Variants in LMNB2 observed in about 807,000 individuals in gnomAD.
The protein encoded by LMNB2 is lamin-B2.
A neutral mutation model predicts 69.3 loss-of-function variants in LMNB2; 17 were observed. That is an observed-to-expected ratio of 0.25 (90% CI 0.17 to 0.37). The LOEUF (loss-of-function observed/expected upper bound fraction) is 0.37, where lower values mean the gene tolerates loss of function less well. Ranked by LOEUF, LMNB2 falls within the 10% of genes least tolerant of loss-of-function variation. The pLI, the probability that LMNB2 is intolerant of heterozygous loss-of-function variation, is 1.00. For synonymous variants in LMNB2, 397 were observed against 389.3 expected (o/e 1.02, Z -0.23); for missense variants, 789 against 883.6 (o/e 0.89, Z 1.36).
At chr19:2,452,600 C>G (rs985896699) in intron 1 of LMNB2, among the ~76,000 whole-genome samples, 4 of 151,792 alleles carry the variant, frequency 2.6e-5, no homozygotes, top group Non-Finnish European at 5.9e-5. Context: ...GTGGTACACG[C>G]CTGTAATCCC....
intron 1 of LMNB2, among the ~76,000 whole-genome samples, chr19:2,454,601 A>G (rs150638160): frequency 1.3e-5 from 2 of 152,222 alleles, no homozygotes; most frequent in African/African-American, 4.8e-5. Flanking sequence ...CCCCTCAACA[A>G]GCAGCTCTTC....
Position 2,434,478 on chromosome 19 carries a change from T to C in LMNB2, c.1019A>G (p.Glu340Gly), listed in dbSNP as rs1338959809. 1 of 1,613,026 alleles carries C rather than the reference T, an allele frequency of 6.2e-7. No individual in the cohort carries two copies. The highest frequency in any genetic ancestry group is 8.5e-7 in the Non-Finnish European group (1 of 1,179,950). ...AAEDRIRELE[E>G]AMAGERDKFR... Reference sequence around the variant, plus strand: ...CTTGTCCCGCTCCCCGGCCATGGCCTCCTCCAGCTCCCGAATGCGATCTTC... The same window carrying C: ...CTTGTCCCGCTCCCCGGCCATGGCCCCCTCCAGCTCCCGAATGCGATCTTC... Residue 340 changes from glutamate (E) to glycine (G), a missense_variant, in exon 7 of 12, where the codon GAG becomes GGG. By Grantham distance (98) the Glu-to-Gly change is moderately conservative. Transcript: ENST00000325327.
Position 2,456,778 on chromosome 19 carries a change from C to A in LMNB2, c.156G>T (p.Glu52Asp). Residue 52 changes from glutamate to aspartate, a missense_variant, in exon 1 of 12, where the codon GAG (glutamate) becomes GAT (aspartate). Physicochemically the swap from Glu to Asp is conservative, Grantham distance 45 (BLOSUM62 2). Coordinates refer to ENST00000325327, the MANE Select transcript of LMNB2 (RefSeq NM_032737.4). Reference sequence around the variant, plus strand: ...TGTAGTGCGCCAGGCGGTCGTTGAGCTCGCGCAGCTCCTCCTTCTCCTGCA... The same window carrying A: ...TGTAGTGCGCCAGGCGGTCGTTGAGATCGCGCAGCTCCTCCTTCTCCTGCA... Reference protein sequence around the residue: ...SRLQEKEELRELNDRLAHYID... With the variant: ...SRLQEKEELRDLNDRLAHYID... 6.5e-7 allele frequency: 1 copy of A among 1,539,260 alleles called. No homozygotes were observed. The highest frequency in any genetic ancestry group is 8.8e-7 in the Non-Finnish European group (1 of 1,142,392).
rs776051907 is a variant in LMNB2, at chr19:2,433,895, C to T, written c.1413G>A (p.Ser471=). The change falls in exon 8 of 12, where the codon TCG becomes TCA. Residue 471 remains serine (S), a synonymous_variant. Transcript: ENST00000325327. ...CGATCTCCTCGATGCTGACGCTACC[C>T]GAGGCCGAGGCCTGCTGGGCCAGGT... ...GFHLAQQASA[S]GSVSIEEIDL... is the part of the protein sequence containing the mutation. 8.1e-6 allele frequency: 13 copies of T among 1,612,340 alleles called. No homozygotes were observed. Among genetic ancestry groups the T allele is most frequent in the Admixed American group, 3.3e-5 (2 of 59,982 alleles).
At position 2,456,894 on chromosome 19, in the gene LMNB2, T is replaced by G; in HGVS notation, c.40A>C (p.Arg14=). 9.6e-7 allele frequency: 1 copy of G among 1,039,230 alleles called. No individual in the cohort carries two copies. The highest frequency in any genetic ancestry group is 4.4e-5 in the South Asian group (1 of 22,634). The allele number at this position is 1,039,230 out of a possible 1,614,324, so 64.4% of individuals were successfully genotyped here. A position where few individuals can be genotyped will look rare whatever the true frequency, so the allele number is the denominator to read the frequency against. The change falls in exon 1 of 12, where the codon AGG becomes CGG. Residue 14 remains arginine, a synonymous_variant. Coordinates refer to ENST00000325327, the MANE Select transcript of LMNB2 (RefSeq NM_032737.4). Reference sequence around the variant, plus strand: ...GCCATGGTGGCGGCGGCTCGCGGCCTGCGCTGCTCCCGACGGCGGCCCGGG... The same window carrying G: ...GCCATGGTGGCGGCGGCTCGCGGCCGGCGCTGCTCCCGACGGCGGCCCGGG... ...PSPGRRREQR[R]PRAAATMATP...
chr19:2,434,943 CGCGGGGCGGG>C, intron 5 of LMNB2, 30 bp from the exon 6 acceptor site: 2 of 1,585,998 alleles, frequency 1.3e-6, no homozygotes, highest in Non-Finnish European at 1.7e-6. Context: ...TGAGTGCGGG[CGCGGGGCGGG>C]GCGGGGTTCC....
intron 2 of LMNB2, among the ~76,000 whole-genome samples, chr19:2,439,441 C>G (rs1251187630): frequency 1.3e-5 from 2 of 152,114 alleles, no homozygotes; most frequent in African/African-American, 2.4e-5. Flanking sequence ...TGGGGTGGTC[C>G]TAGGCACTGC....
chr19:2,437,545 A>G (rs1971842519), intron 4 of LMNB2, among the ~76,000 whole-genome samples: 1 of 152,256 alleles, frequency 6.6e-6, no homozygotes, highest in Admixed American at 6.5e-5. Flanking sequence ...TCACGCCTGG[A>G]ATCCCAGCAG....
At chr19:2,434,650 G>T in intron 6 of LMNB2, 135 bp from the exon 7 acceptor site, 1 of 1,495,744 alleles carries the variant, frequency 6.7e-7, no homozygotes. Context: ...CGCACGGGAG[G>T]GGAGGGAAGG....
intron 1 of LMNB2, among the ~76,000 whole-genome samples, chr19:2,450,258 C>A (rs1233017333): frequency 6.6e-6 from 1 of 152,110 alleles, no homozygotes; most frequent in African/African-American, 2.4e-5. Flanking sequence ...ACCAGAACCT[C>A]TAACCAGGAA....
rs556187833 is a variant in LMNB2, at chr19:2,431,954, C to T, written c.1591-52G>A. 752 of 1,567,366 alleles carry T rather than the reference C, an allele frequency of 4.8e-4. 4 individuals carry two copies. The Middle Eastern group carries it at 9.6e-3, about 20-fold the overall frequency. The stretch of plus-strand genomic sequence containing the variant: ...TCAGGGTCACCTCTGGTTCCAGGGA[C>T]GTGGGCCAGCCAGTGGCCCCTACCA... On this transcript the variant is annotated intron_variant, in intron 9 of 11. Transcript: ENST00000325327.
At chr19:2,438,141 G>A (rs1377830917) in intron 4 of LMNB2, 22 bp downstream of exon 4, 3 of 1,613,188 alleles carry the variant, frequency 1.9e-6, no homozygotes, top group Non-Finnish European at 2.5e-6. Flanking sequence ...GTGCCAGGCT[G>A]GAGGCCAGGC....
At chr19:2,455,559 C>T (rs557072718) in intron 1 of LMNB2, among the ~76,000 whole-genome samples, 1 of 152,240 alleles carries the variant, frequency 6.6e-6, no homozygotes, top group East Asian at 1.9e-4. Context: ...CAAAATGCAC[C>T]TCTCACGGAA....
intron 9 of LMNB2, 128 bp from the exon 10 acceptor site, chr19:2,432,030 GCTTAT>G: frequency 8.1e-7 from 1 of 1,228,740 alleles, no homozygotes; most frequent in Admixed American, 2.2e-5. Flanking sequence ...CCCGACGCAG[GCTTAT>G]CCAGGGTGAT....
In LMNB2 at chr19:2,430,651, C is replaced by T. The variant is rs1055837783; in HGVS notation, c.*260G>A. 28 of 566,928 alleles carry T rather than the reference C, an allele frequency of 4.9e-5. No individual in the cohort carries two copies. Among genetic ancestry groups the T allele is most frequent in the Non-Finnish European group, 8.7e-5 (27 of 311,686 alleles). 35.1% of individuals were successfully genotyped at this position (566,928 alleles called of 1,614,324 possible). A position where few individuals can be genotyped will look rare whatever the true frequency, so the allele number is the denominator to read the frequency against. ...TCTTCTAAACCTCCGGGTCCTGGCC[C>T]TGGGCTTCCAATTTGACCAAATGGT... On this transcript the variant is annotated 3_prime_UTR_variant, in exon 12 of 12. Coordinates refer to ENST00000325327, the MANE Select transcript of LMNB2 (RefSeq NM_032737.4).
chr19:2,436,398 AAAC>A (rs1568203150), intron 4 of LMNB2, among the ~76,000 whole-genome samples: 1 of 152,148 alleles, frequency 6.6e-6, no homozygotes, highest in Non-Finnish European at 1.5e-5. Context: ...AAACAAAACA[AAAC>A]AAAACAAAAC....
rs757647495 is a variant in LMNB2, at chr19:2,434,446, T to G, written c.1051A>C (p.Lys351Gln). The part of the protein sequence containing the change: ...AMAGERDKFR[K>Q]MLDAKEQEMT... ...TCCTGCTCCTTGGCGTCCAGCATCT[T>G]CCGGAACTTGTCCCGCTCCCCGGCC... Residue 351 changes from lysine (K) to glutamine (Q), a missense_variant, in exon 7 of 12, where the codon AAG (lysine) becomes CAG (glutamine). Lys to Gln is a moderately conservative substitution (Grantham distance 53). This residue lies in a region of LMNB2 where 609 missense variants were observed against 630.9 expected (regional missense o/e 0.97). Transcript: ENST00000325327. 1.2e-6 allele frequency: 2 copies of G among 1,613,444 alleles called. No homozygotes were observed. The highest frequency in any genetic ancestry group is 1.7e-6 in the Non-Finnish European group (2 of 1,179,974).
At chr19:2,436,705 C>A in intron 4 of LMNB2, 1 of 154,946 alleles carries the variant, frequency 6.5e-6, no homozygotes, top group South Asian at 1.7e-4. Context: ...GGCCGCGCAC[C>A]CACCTCCACG....
intron 1 of LMNB2, among the ~76,000 whole-genome samples, chr19:2,449,267 G>A (rs924819742): frequency 7.9e-5 from 12 of 152,168 alleles, no homozygotes; most frequent in Non-Finnish European, 1.3e-4. Context: ...ACAGAGGAGC[G>A]GGCGGTGTGG....
Sources: allele counts gnomAD v4.1 joint callset (sites outside exome capture counted in the v4.1 genomes callset), GRCh38; gene constraint gnomAD v4.1.1; regional missense constraint gnomAD v4.1.1; transcripts MANE v1.5; gene names NCBI Gene and HGNC (gene_info 2026-07-23, HGNC 2026-07-21).